STK32B: variants seen among roughly 807,000 people sequenced by gnomAD.
The protein encoded by STK32B is serine/threonine-protein kinase 32B.
In STK32B, 43 loss-of-function variants were observed where a neutral mutation model predicts 52.6. The observed-to-expected ratio is 0.82, with a 90% CI of 0.64 to 1.05. The LOEUF (loss-of-function observed/expected upper bound fraction) is 1.05, where lower values mean the gene tolerates loss of function less well. Among genes scored for constraint, STK32B ranks in the 50% least tolerant of loss-of-function variants. STK32B has a pLI of 0.00. For missense variants in STK32B, 621 were observed against 534.6 expected (o/e 1.16, Z -1.59); for synonymous variants, 238 against 204.3 (o/e 1.17, Z -1.41).
intron 3 of STK32B, among the ~76,000 whole-genome samples, chr4:5,199,155 C>G (rs1226586343): frequency 2.0e-5 from 3 of 152,122 alleles, no homozygotes; most frequent in Non-Finnish European, 4.4e-5. Flanking sequence ...CGAGGCTGCC[C>G]TTCTCAGCCA....
At position 5,367,763 on chromosome 4, in the gene STK32B, G is replaced by A. The variant is rs1332459907; in HGVS notation, c.435-30444G>A. Among the ~76,000 whole-genome samples, 7 of 152,244 alleles carry A rather than the reference G, an allele frequency of 4.6e-5. No homozygotes were observed. The East Asian group carries it at 1.4e-3, about 29-fold the overall frequency. ...TGTATCCTTTCCCGTTTGTGCCATGGCAAATGTCTTTTCTCTGCTGGACAG... is the reference window on the plus strand; with the variant it reads ...TGTATCCTTTCCCGTTTGTGCCATGACAAATGTCTTTTCTCTGCTGGACAG... On this transcript the variant is annotated intron_variant, in intron 4 of 11. Coordinates refer to ENST00000282908, the MANE Select transcript of STK32B (RefSeq NM_018401.3).
At position 5,317,340 on chromosome 4, in the gene STK32B, T is replaced by G. The variant is rs1470624867; in HGVS notation, c.261-13880T>G. On this transcript the variant is annotated intron_variant, in intron 3 of 11. Transcript: ENST00000282908. ...TGTATAATATATATTACATATATAA[T>G]ACATATATATAATATATATAATGTA... is the stretch of plus-strand genomic sequence containing the variant. 6.5e-5 allele frequency among the ~76,000 whole-genome samples: 4 copies of G among 61,184 alleles called. 2 individuals are homozygous for G. The highest frequency in any genetic ancestry group is 4.9e-4 in the African/African-American group (4 of 8,192). The allele number at this position is 61,184 out of a possible 152,430, so 40.1% of individuals were successfully genotyped here.
chr4:5,332,510 T>C (rs1018366394), intron 4 of STK32B, among the ~76,000 whole-genome samples: 1 of 152,284 alleles, frequency 6.6e-6, no homozygotes. Flanking sequence ...TTTATTATTA[T>C]TATACTTTAA....
chr4:5,455,692 G>A (rs1019203593), intron 7 of STK32B, among the ~76,000 whole-genome samples: 15 of 152,148 alleles, frequency 9.9e-5, no homozygotes, highest in African/African-American at 3.6e-4. Context: ...CACCTGCGGA[G>A]GGACTGAGAC....
At chr4:5,406,181 C>A (rs888096550) in intron 5 of STK32B, among the ~76,000 whole-genome samples, 1 of 152,154 alleles carries the variant, frequency 6.6e-6, no homozygotes, top group Non-Finnish European at 1.5e-5. Flanking sequence ...CTTAAAGCTC[C>A]AAAATAATCT....
chr4:5,023,001 ATG>A, the STK32B span, among the ~76,000 whole-genome samples: 17 of 149,970 alleles, frequency 1.1e-4, no homozygotes, highest in Admixed American at 4.0e-4. Flanking sequence ...GTATGAAGGC[ATG>A]TGTGTGTGTG....
At chr4:5,363,150 G>A (rs2109001334) in intron 4 of STK32B, among the ~76,000 whole-genome samples, 1 of 152,254 alleles carries the variant, frequency 6.6e-6, no homozygotes, top group South Asian at 2.1e-4. Flanking sequence ...CTAACACGGT[G>A]CCTATCAGGA....
At chr4:5,207,334 T>G (rs1448294794) in intron 3 of STK32B, among the ~76,000 whole-genome samples, 2 of 152,208 alleles carry the variant, frequency 1.3e-5, no homozygotes, top group Admixed American at 1.3e-4. Context: ...GGAGGCAGGT[T>G]TTCCCGTGCT....
At chr4:5,277,323 G>A (rs1475459311) in intron 3 of STK32B, among the ~76,000 whole-genome samples, 1 of 152,046 alleles carries the variant, frequency 6.6e-6, no homozygotes. Context: ...CAATGGAGAA[G>A]CTATTAGAGA....
intron 3 of STK32B, among the ~76,000 whole-genome samples, chr4:5,288,351 C>A (rs1019441550): frequency 5.9e-5 from 9 of 152,270 alleles, no homozygotes; most frequent in African/African-American, 2.2e-4. Flanking sequence ...AACCATTTTG[C>A]AGTCCCATCA....
intron 2 of STK32B, among the ~76,000 whole-genome samples, chr4:5,163,875 AG>A (rs1271544676): frequency 6.6e-6 from 1 of 152,148 alleles, no homozygotes; most frequent in Non-Finnish European, 1.5e-5. Flanking sequence ...CGAGAGGCTA[AG>A]GGTTTGGTTC....
intron 3 of STK32B, among the ~76,000 whole-genome samples, chr4:5,225,169 A>G (rs1353491567): frequency 3.9e-5 from 6 of 152,196 alleles, no homozygotes; most frequent in African/African-American, 1.4e-4. Context: ...CTGTAATCCC[A>G]GCACTTTGGG....
At chr4:5,476,988 G>A (rs1718289463) in intron 11 of STK32B, among the ~76,000 whole-genome samples, 1 of 152,010 alleles carries the variant, frequency 6.6e-6, no homozygotes, top group South Asian at 2.1e-4. Flanking sequence ...GTGTGGCCCA[G>A]CCAACACCTT....
At chr4:5,180,394 G>T (rs548479580) in intron 3 of STK32B, among the ~76,000 whole-genome samples, 210 of 152,094 alleles carry the variant, frequency 1.4e-3, no homozygotes, top group African/African-American at 4.7e-3. Context: ...ACCATTTTTG[G>T]TCCCATTTTA....
intron 1 of STK32B, among the ~76,000 whole-genome samples, chr4:5,088,553 A>G (rs1363637776): frequency 1.3e-5 from 2 of 152,110 alleles, no homozygotes; most frequent in Admixed American, 6.5e-5. Context: ...TGATCGTACA[A>G]TAGGATGAGT....
At chr4:5,457,973 G>C (rs1187198236) in intron 8 of STK32B, among the ~76,000 whole-genome samples, 1 of 151,826 alleles carries the variant, frequency 6.6e-6, no homozygotes, top group Non-Finnish European at 1.5e-5. Context: ...AGGAAAGAAG[G>C]AAGGAAGGAA....
intron 1 of STK32B, among the ~76,000 whole-genome samples, chr4:5,077,262 G>A (rs936310264): frequency 4.6e-5 from 7 of 151,990 alleles, no homozygotes; most frequent in South Asian, 4.2e-4. Flanking sequence ...GAGATAAAGC[G>A]GAATATCAGC....
intron 7 of STK32B, among the ~76,000 whole-genome samples, chr4:5,449,647 A>G (rs1715800051): frequency 1.3e-5 from 2 of 152,142 alleles, no homozygotes; most frequent in African/African-American, 4.8e-5. Flanking sequence ...GTGAATGGCA[A>G]GTGAGCCAGG....
At chr4:5,255,114 A>G (rs988933794) in intron 3 of STK32B, among the ~76,000 whole-genome samples, 3 of 152,142 alleles carry the variant, frequency 2.0e-5, no homozygotes, top group African/African-American at 4.8e-5. Flanking sequence ...GCAGAATGGT[A>G]TGTTACTTTA....
Sources: allele counts gnomAD v4.1 joint callset (sites outside exome capture counted in the v4.1 genomes callset), GRCh38; gene constraint gnomAD v4.1.1; transcripts MANE v1.5; gene names NCBI Gene and HGNC (gene_info 2026-07-23, HGNC 2026-07-21).